The following RSRC1 variants were observed in gnomAD, a reference collection of about 807,000 sequenced individuals.
RSRC1 encodes the protein arginine and serine rich coiled-coil 1.
In RSRC1, 39 loss-of-function variants were observed where a neutral mutation model predicts 49.1. The observed-to-expected ratio is 0.79, with a 90% CI of 0.61 to 1.04. RSRC1 has a LOEUF of 1.04. Ranked by LOEUF, RSRC1 falls within the 50% of genes least tolerant of loss-of-function variation. The probability of loss-of-function intolerance (pLI) is 0.00; values close to 1 mark genes in which losing one functional copy is unlikely to be tolerated. For synonymous variants in RSRC1, 143 were observed against 130.8 expected (o/e 1.09, Z -0.63); for missense variants, 388 against 402.4 (o/e 0.96, Z 0.31).
intron 6 of RSRC1, among the ~76,000 whole-genome samples, chr3:158,363,057 G>T (rs890055330): frequency 3.3e-5 from 5 of 152,104 alleles, no homozygotes; most frequent in African/African-American, 9.7e-5. Flanking sequence ...TTTCTGCATA[G>T]TATCTACAAC....
intron 3 of RSRC1, among the ~76,000 whole-genome samples, chr3:158,181,107 T>C (rs1344455550): frequency 6.6e-6 from 1 of 152,142 alleles, no homozygotes; most frequent in East Asian, 1.9e-4. Flanking sequence ...CCTGGCCCTA[T>C]GTACGTTTTT....
intron 4 of RSRC1, among the ~76,000 whole-genome samples, chr3:158,232,126 T>C (rs1019154480): frequency 6.6e-6 from 1 of 152,174 alleles, no homozygotes; most frequent in African/African-American, 2.4e-5. Flanking sequence ...GCTATATGTT[T>C]TTGTTTAGTA....
intron 3 of RSRC1, among the ~76,000 whole-genome samples, chr3:158,127,148 A>T (rs1462171270): frequency 6.6e-6 from 1 of 152,064 alleles, no homozygotes; most frequent in African/African-American, 2.4e-5. Context: ...AGTCTTTTGA[A>T]CTTCTTAAAT....
At chr3:158,263,778 T>C (rs1352382933) in intron 4 of RSRC1, among the ~76,000 whole-genome samples, 1 of 152,130 alleles carries the variant, frequency 6.6e-6, no homozygotes, top group Non-Finnish European at 1.5e-5. Context: ...TTTGTGTCTT[T>C]CCAGGAGTTG....
intron 3 of RSRC1, among the ~76,000 whole-genome samples, chr3:158,128,882 A>G (rs1715805844): frequency 6.6e-6 from 1 of 152,138 alleles, no homozygotes; most frequent in Non-Finnish European, 1.5e-5. Flanking sequence ...AGTTTGTGTG[A>G]TGTTTTCTCG....
chr3:158,463,840 A>G (rs1737743048), intron 7 of RSRC1, among the ~76,000 whole-genome samples: 1 of 152,106 alleles, frequency 6.6e-6, no homozygotes, highest in Non-Finnish European at 1.5e-5. Flanking sequence ...GCCCATTTAG[A>G]GTGCACTTCA....
intron 4 of RSRC1, among the ~76,000 whole-genome samples, chr3:158,242,397 G>A (rs116683458): frequency 0.017 from 2,594 of 151,786 alleles, 92 homozygotes; most frequent in African/African-American, 0.06. Context: ...CCTTTTTATG[G>A]CTCTGTAGTA....
At chr3:158,473,858 C>T (rs1738253509) in intron 7 of RSRC1, among the ~76,000 whole-genome samples, 1 of 152,036 alleles carries the variant, frequency 6.6e-6, no homozygotes, top group Non-Finnish European at 1.5e-5. Context: ...TCTATGTGAA[C>T]TCAATAAATA....
At chr3:158,418,789 G>A (rs1734884569) in intron 6 of RSRC1, among the ~76,000 whole-genome samples, 1 of 151,962 alleles carries the variant, frequency 6.6e-6, no homozygotes, top group Non-Finnish European at 1.5e-5. Context: ...ATTACTCGCT[G>A]TAGTGCTAGA....
intron 4 of RSRC1, among the ~76,000 whole-genome samples, chr3:158,246,928 T>G: frequency 6.6e-6 from 1 of 152,214 alleles, no homozygotes; most frequent in East Asian, 1.9e-4. Flanking sequence ...TTGGCCTGTC[T>G]TGCTAGGTTG....
chr3:158,275,685 C>A, intron 4 of RSRC1: 1 of 381,130 alleles, frequency 2.6e-6, no homozygotes, highest in Non-Finnish European at 4.2e-6. Flanking sequence ...TGCACTTTAA[C>A]TTTCTTAATT....
chr3:158,477,487 T>C (rs984476971), intron 7 of RSRC1, among the ~76,000 whole-genome samples: 1 of 152,106 alleles, frequency 6.6e-6, no homozygotes, highest in Non-Finnish European at 1.5e-5. Context: ...GCAAAAAGAT[T>C]ATGACTTGTT....
intron 3 of RSRC1, among the ~76,000 whole-genome samples, chr3:158,156,823 AATCACTG>A (rs1229176456): frequency 6.6e-6 from 1 of 152,214 alleles, no homozygotes; most frequent in Non-Finnish European, 1.5e-5. Context: ...TAACACTGGG[AATCACTG>A]ATCACAGATC....
At chr3:158,304,939 T>C (rs1727757159) in intron 5 of RSRC1, among the ~76,000 whole-genome samples, 1 of 152,170 alleles carries the variant, frequency 6.6e-6, no homozygotes, top group Admixed American at 6.5e-5. Context: ...TAATGTCATG[T>C]TAATGTCATA....
intron 5 of RSRC1, among the ~76,000 whole-genome samples, chr3:158,305,581 G>A (rs1347414060): frequency 6.6e-6 from 1 of 152,026 alleles, no homozygotes; most frequent in African/African-American, 2.4e-5. Flanking sequence ...GGGCTTTCTT[G>A]GGATCTAACT....
intron 4 of RSRC1, among the ~76,000 whole-genome samples, chr3:158,278,958 A>G (rs1011600507): frequency 6.6e-6 from 1 of 152,178 alleles, no homozygotes; most frequent in African/African-American, 2.4e-5. Context: ...CATATATGCT[A>G]TTTTTCCAGC....
intron 3 of RSRC1, among the ~76,000 whole-genome samples, chr3:158,131,287 A>G (rs907849098): frequency 1.3e-5 from 2 of 152,032 alleles, no homozygotes; most frequent in East Asian, 1.9e-4. Flanking sequence ...GTTAGTACCA[A>G]TCACTGCTGG....
At chr3:158,480,990 A>G (rs1738589139) in intron 7 of RSRC1, among the ~76,000 whole-genome samples, 1 of 152,024 alleles carries the variant, frequency 6.6e-6, no homozygotes, top group African/African-American at 2.4e-5. Flanking sequence ...AGATTTTCAA[A>G]CAAGAACATG....
At chr3:158,356,097 T>G (rs998141239) in intron 6 of RSRC1, among the ~76,000 whole-genome samples, 1 of 152,020 alleles carries the variant, frequency 6.6e-6, no homozygotes, top group East Asian at 1.9e-4. Context: ...TCACCTATTT[T>G]TGGACCACAG....
Sources: allele counts gnomAD v4.1 joint callset (sites outside exome capture counted in the v4.1 genomes callset), GRCh38; gene constraint gnomAD v4.1.1; transcripts MANE v1.5; gene names NCBI Gene and HGNC (gene_info 2026-07-23, HGNC 2026-07-21).